Variants in NBEAL1 observed in about 807,000 individuals in gnomAD.
NBEAL1 encodes neurobeachin-like protein 1.
In NBEAL1, 273 loss-of-function variants were observed where a neutral mutation model predicts 351.3. The ratio of observed to expected loss-of-function variants is 0.78; its 90% CI spans 0.70 to 0.86. The LOEUF is 0.86. NBEAL1 is among the 40% of genes least tolerant of loss of function. The probability of loss-of-function intolerance (pLI) is 0.00; values close to 1 mark genes in which losing one functional copy is unlikely to be tolerated. For synonymous variants in NBEAL1, 1,050 were observed against 1,086.4 expected (o/e 0.97, Z 0.66); for missense variants, 2,961 against 3,201.3 (o/e 0.92, Z 1.81).
chr2:203,153,591 A>C (rs2063719192), intron 35 of NBEAL1, among the ~76,000 whole-genome samples: 1 of 152,186 alleles, frequency 6.6e-6, no homozygotes. Flanking sequence ...ATTCAAAATA[A>C]TGGCCCTGTC....
At chr2:203,188,436 T>G in intron 44 of NBEAL1, 36 bp from the exon 45 acceptor site, 4 of 1,118,722 alleles carry the variant, frequency 3.6e-6, no homozygotes, top group Non-Finnish European at 4.9e-6. Flanking sequence ...TTGGAAGATA[T>G]CTCTATATTA....
At chr2:203,103,939 T>C (rs1488807693) in intron 12 of NBEAL1, among the ~76,000 whole-genome samples, 2 of 152,264 alleles carry the variant, frequency 1.3e-5, no homozygotes, top group East Asian at 3.8e-4. Context: ...TCTTGATTTC[T>C]ATTTTTATTG....
In NBEAL1 at chr2:203,199,391, C is replaced by G; in HGVS notation, c.7182C>G (p.Asp2394Glu). Residue 2394 changes from aspartate to glutamate, a missense_variant, in exon 49 of 56, where the codon GAC becomes GAG. Coordinates refer to ENST00000683969, the MANE Select transcript of NBEAL1 (RefSeq NM_001378026.1). Reference sequence around the variant, plus strand: ...GAACCCATGGATGGTTGCCTTATGACAGAAACATTTCTAATTACTTTACAT... The same window carrying G: ...GAACCCATGGATGGTTGCCTTATGAGAGAAACATTTCTAATTACTTTACAT... ...VIGTHGWLPY[D>E]RNISNYFTFI... is the part of the protein sequence containing the mutation. 6.2e-7 allele frequency: 1 copy of G among 1,608,706 alleles called. No homozygotes were observed. Among genetic ancestry groups the G allele is most frequent in the Non-Finnish European group, 8.5e-7 (1 of 1,175,762 alleles).
chr2:203,040,967 G>A, intron 2 of NBEAL1: 1 of 279,750 alleles, frequency 3.6e-6, no homozygotes. Flanking sequence ...ATTATCATCA[G>A]GTATCTTCAG....
At chr2:203,115,811 G>A (rs1337736859) in intron 17 of NBEAL1, among the ~76,000 whole-genome samples, 174 bp from the exon 18 acceptor site, 1 of 152,234 alleles carries the variant, frequency 6.6e-6, no homozygotes, top group Middle Eastern at 3.4e-3. Flanking sequence ...CCCAATTTTT[G>A]TAGGTTTTAG....
Position 203,211,120 on chromosome 2 carries a change from A to T in NBEAL1, c.7934+14A>T. ...AGATCTCCACAGGTAAATAATAAAA[A>T]CTAATGAAGTATCACTTAAGAAAAG... On this transcript the variant is annotated intron_variant, in intron 54 of 55. Transcript: ENST00000683969. The T allele has an allele frequency of 6.6e-7, 1 of 1,519,262 alleles. No individual in the cohort carries two copies. Among genetic ancestry groups the T allele is most frequent in the South Asian group, 1.4e-5 (1 of 70,838 alleles). 94.1% of individuals were successfully genotyped at this position (1,519,262 alleles called of 1,614,324 possible). A position where few individuals can be genotyped will look rare whatever the true frequency, so the allele number is the denominator to read the frequency against.
chr2:203,070,102 T>C (rs1013211964), intron 7 of NBEAL1, among the ~76,000 whole-genome samples: 5 of 152,224 alleles, frequency 3.3e-5, no homozygotes, highest in African/African-American at 1.2e-4. Context: ...TGATATTAGC[T>C]GTGTTTTTAA....
At chr2:203,131,724 T>C (rs916132721) in intron 25 of NBEAL1, among the ~76,000 whole-genome samples, 7 of 152,198 alleles carry the variant, frequency 4.6e-5, no homozygotes, top group African/African-American at 1.7e-4. Flanking sequence ...CTGAAGTTTT[T>C]GTACTTAAGG....
chr2:203,046,582 C>T (rs995714128), intron 3 of NBEAL1, among the ~76,000 whole-genome samples: 2 of 152,092 alleles, frequency 1.3e-5, no homozygotes, highest in African/African-American at 4.8e-5. Flanking sequence ...GATTAAGACA[C>T]CAGCAGATTT....
rs2063044869 is a variant in NBEAL1, at chr2:203,130,338, G to GCT, written c.3429_3430dup (p.Phe1144SerfsTer32). On this transcript the variant is annotated frameshift_variant, in exon 25 of 56. Coordinates refer to ENST00000683969, the MANE Select transcript of NBEAL1 (RefSeq NM_001378026.1). LOFTEE classifies it high-confidence loss of function. ...AAAAGCTCTTTGGAATTTTGGACGT[G>GCT]CTCTTCAGTCTCCTACGTACCAGCC... 1 of 1,527,770 alleles carries GCT rather than the reference G, an allele frequency of 6.5e-7. No individual in the cohort carries two copies. Among genetic ancestry groups the GCT allele is most frequent in the African/African-American group, 1.4e-5 (1 of 71,376 alleles). The allele number at this position is 1,527,770 out of a possible 1,614,324, so 94.6% of individuals were successfully genotyped here.
intron 39 of NBEAL1, among the ~76,000 whole-genome samples, chr2:203,170,292 A>G (rs2064279874): frequency 6.6e-6 from 1 of 152,096 alleles, no homozygotes; most frequent in Non-Finnish European, 1.5e-5. Flanking sequence ...GAATCGCTTG[A>G]ACCGGGGAGG....
chr2:203,129,725 A>G (rs1286637137), intron 24 of NBEAL1, among the ~76,000 whole-genome samples: 3 of 152,198 alleles, frequency 2.0e-5, no homozygotes, highest in South Asian at 4.1e-4. Context: ...GAGAGATACA[A>G]AGTTCTATGA....
At chr2:203,130,157 G>A (rs996204918) in intron 24 of NBEAL1, among the ~76,000 whole-genome samples, 161 bp from the exon 25 acceptor site, 3 of 152,174 alleles carry the variant, frequency 2.0e-5, no homozygotes, top group African/African-American at 7.2e-5. Flanking sequence ...GGGAGATTCT[G>A]TCTCAAAAGA....
chr2:203,039,678 G>A (rs190488123), intron 2 of NBEAL1, among the ~76,000 whole-genome samples: 19 of 152,322 alleles, frequency 1.2e-4, no homozygotes, highest in African/African-American at 4.3e-4. Context: ...ACTGGCATGA[G>A]CCACTGTGCC....
At chr2:203,109,841 C>A (rs189481516) in intron 14 of NBEAL1, among the ~76,000 whole-genome samples, 1 of 152,008 alleles carries the variant, frequency 6.6e-6, no homozygotes, top group Non-Finnish European at 1.5e-5. Context: ...ATTTTAAAGA[C>A]CTTTATTTAT....
Position 203,111,279 on chromosome 2 carries a change from C to G in NBEAL1, c.2083-700C>G, listed in dbSNP as rs2062565750. ...TGAGCTATGATTATGCCACTGCACT[C>G]AAGCCTCAGCTATAGAGCATGACCC... On this transcript the variant is annotated intron_variant, in intron 15 of 55. Coordinates refer to ENST00000683969, the MANE Select transcript of NBEAL1 (RefSeq NM_001378026.1). Among the ~76,000 whole-genome samples, 3 of 152,106 alleles carry G rather than the reference C, an allele frequency of 2.0e-5. No homozygotes were observed. The South Asian group carries it at 6.2e-4, about 32-fold the overall frequency.
Position 203,217,256 on chromosome 2 carries a change from C to T in NBEAL1, c.8074C>T (p.Arg2692Cys), listed in dbSNP as rs376506841. The change falls in exon 56 of 56, where the codon CGT (arginine) becomes TGT (cysteine). Residue 2692 changes from arginine to cysteine, a missense_variant. By Grantham distance (180) the Arg-to-Cys change is radical. Transcript: ENST00000683969. ...VVGVGKPAEM[R>C]SGQLSRKFWG... ...TTCTTTGGATTACTTTACACAGATG[C>T]GTTCAGGTCAGCTTTCTCGAAAATT... 6 of 1,569,702 alleles carry T rather than the reference C, an allele frequency of 3.8e-6. No homozygotes were observed. The African/African-American group carries it at 5.5e-5, about 14-fold the overall frequency.
chr2:203,150,652 T>C (rs988001604), intron 34 of NBEAL1, among the ~76,000 whole-genome samples: 26 of 152,256 alleles, frequency 1.7e-4, no homozygotes, highest in Admixed American at 5.2e-4. Flanking sequence ...AAGTCCAAGG[T>C]CATGAAGTTT....
chr2:203,078,450 C>T (rs954017754), intron 8 of NBEAL1, among the ~76,000 whole-genome samples: 1 of 152,116 alleles, frequency 6.6e-6, no homozygotes, highest in African/African-American at 2.4e-5. Flanking sequence ...AAGCAATCCT[C>T]CCACTTCAGC....
Sources: gnomAD v4.1 joint callset for allele counts (sites outside exome capture counted in the v4.1 genomes callset) on GRCh38, gnomAD v4.1.1 for gene constraint, MANE v1.5 for transcripts, NCBI Gene and HGNC (gene_info 2026-07-23, HGNC 2026-07-21) for gene names.